AP5Z1: variants seen among roughly 807,000 people sequenced by gnomAD.
AP5Z1 encodes the protein adaptor related protein complex 5 subunit zeta 1.
AP5Z1 carries 106 observed loss-of-function variants against 83.0 expected under a neutral mutation model. The ratio of observed to expected loss-of-function variants is 1.28; its 90% CI spans 1.09 to 1.50. The LOEUF (loss-of-function observed/expected upper bound fraction) is 1.50. Among genes scored for constraint, AP5Z1 ranks in the 40% most tolerant of loss-of-function variants. The pLI is 0.00. For synonymous variants in AP5Z1, 751 were observed against 514.1 expected, an observed-to-expected ratio of 1.46 and a Z score of -6.23; for missense variants, 1,565 against 1,094.2, an observed-to-expected ratio of 1.43 and a Z score of -6.07.
Position 4,792,241 on chromosome 7 carries a change from G to A in AP5Z1, c.*856G>A, listed in dbSNP as rs148032002. ...CACGTTCCGCCCGGTGCCTGGGACG[G>A]GCTCAGCCGCCAGGGGGCGCCGCCG... On this transcript the variant is annotated 3_prime_UTR_variant, in exon 17 of 17. Coordinates refer to ENST00000649063, the MANE Select transcript of AP5Z1 (RefSeq NM_014855.3). The A allele has an allele frequency of 0.016, 2,424 of 152,310 alleles. 33 individuals are homozygous for A. Among genetic ancestry groups the A allele is most frequent in the Middle Eastern group, 0.055 (16 of 292 alleles). 9.4% of individuals were successfully genotyped at this position (152,310 alleles called of 1,614,324 possible).
chr7:4,792,372 C>A lies in AP5Z1; in HGVS notation c.*987C>A, dbSNP rs1464009041. The A allele has an allele frequency of 6.7e-6, 1 of 149,048 alleles. No individual in the cohort carries two copies. The highest frequency in any genetic ancestry group is 1.5e-5 in the Non-Finnish European group (1 of 66,234). The allele number at this position is 149,048 out of a possible 1,614,324, so 9.2% of individuals were successfully genotyped here. The stretch of plus-strand genomic sequence containing the variant: ...GCTCTGGCCCCGCCCACCTCCCCTC[C>A]GGCCTCGGCCCCGCCCCCAATCCCC... On this transcript the variant is annotated 3_prime_UTR_variant, in exon 17 of 17. Coordinates refer to ENST00000649063, the MANE Select transcript of AP5Z1 (RefSeq NM_014855.3).
At chr7:4,786,468 G>T (rs573712663) in intron 10 of AP5Z1, 40 bp downstream of exon 10, 23 of 1,601,732 alleles carry the variant, frequency 1.4e-5, no homozygotes, top group East Asian at 2.2e-5. Flanking sequence ...CAGGGGCATG[G>T]TAAGTCCCTG....
intron 1 of AP5Z1, among the ~76,000 whole-genome samples, chr7:4,780,589 C>A (rs1445582384): frequency 2.0e-5 from 3 of 152,044 alleles, no homozygotes; most frequent in African/African-American, 7.2e-5. Flanking sequence ...ATGGTGAAAC[C>A]CTGTCTTTAC....
rs143100910 is a variant in AP5Z1 at position 4,782,352 on chromosome 7, C to G, written c.366+598C>G. Reference sequence around the variant, plus strand: ...GTCCATGTCCTCCCTCCCTCTGTGTCGGGAGCAGGCCTGGGCACTCAGCGT... The same window carrying G: ...GTCCATGTCCTCCCTCCCTCTGTGTGGGGAGCAGGCCTGGGCACTCAGCGT... On this transcript the variant is annotated intron_variant, in intron 3 of 16. Coordinates refer to ENST00000649063, the MANE Select transcript of AP5Z1 (RefSeq NM_014855.3). Among the ~76,000 whole-genome samples the G allele has an allele frequency of 2.6e-5, 4 of 152,162 alleles. No homozygotes were observed. In the East Asian group the frequency reaches 5.8e-4, roughly 22 times the overall value.
In AP5Z1 at chr7:4,781,214, G is replaced by T. The variant is rs1781371748; in HGVS notation, c.81G>T (p.Arg27=). The change falls in exon 2 of 17, where the codon CGG becomes CGT. Residue 27 remains arginine, a synonymous_variant. Transcript: ENST00000649063. ...AGGAGCTGAAGAAGTTCTGTTCCCGGATCTGTAAACTGCTGCAGGCGGAGG... is the reference window on the plus strand; with the variant it reads ...AGGAGCTGAAGAAGTTCTGTTCCCGTATCTGTAAACTGCTGCAGGCGGAGG... The part of the protein sequence containing the change: ...QDEELKKFCS[R]ICKLLQAEDL... 1 of 1,613,996 alleles carries T rather than the reference G, an allele frequency of 6.2e-7. No homozygotes were observed. The highest frequency in any genetic ancestry group is 2.2e-5 in the East Asian group (1 of 44,874).
At chr7:4,776,085 T>G (rs1781217648) in intron 1 of AP5Z1, among the ~76,000 whole-genome samples, 1 of 151,960 alleles carries the variant, frequency 6.6e-6, no homozygotes, top group African/African-American at 2.4e-5. Flanking sequence ...AGCCGGGAGA[T>G]TTCAGTGCCT....
chr7:4,780,429 G>A (rs762749381), intron 1 of AP5Z1, among the ~76,000 whole-genome samples: 11 of 150,584 alleles, frequency 7.3e-5, no homozygotes, highest in Non-Finnish European at 1.5e-4. Flanking sequence ...GACCAGCCTG[G>A]CCAACATGGT....
intron 2 of AP5Z1, 104 bp from the exon 3 acceptor site, chr7:4,781,464 C>G (rs912404376): frequency 2.4e-5 from 37 of 1,533,758 alleles, no homozygotes; most frequent in Admixed American, 1.7e-4. Flanking sequence ...GTAAAATGCT[C>G]TGTCCACTGG....
chr7:4,776,562 C>CAAA (rs55916241), intron 1 of AP5Z1, among the ~76,000 whole-genome samples: 5 of 82,404 alleles, frequency 6.1e-5, no homozygotes, highest in Non-Finnish European at 1.5e-4. Flanking sequence ...ACTGAAAATA[C>CAAA]AAAAAAAAAA....
intron 3 of AP5Z1, among the ~76,000 whole-genome samples, chr7:4,782,869 ACCCAGCCG>A (rs1480140137): frequency 1.3e-5 from 2 of 151,838 alleles, no homozygotes; most frequent in African/African-American, 4.8e-5. Context: ...CCTCCCAGCC[ACCCAGCCG>A]CCCTCCTCCC....
Position 4,791,273 on chromosome 7 carries a change from G to T in AP5Z1, c.2312G>T (p.Ser771Ile). ...GTGGCCCAGTTTGTGCTCACACCCA[G>T]CACGGAGGTGTGCAGCCCCCGCTAT... The part of the protein sequence containing the change: ...PSVAQFVLTP[S>I]TEVCSPRYHR... Residue 771 changes from serine to isoleucine, a missense_variant, in exon 17 of 17, where the codon AGC (serine) becomes ATC (isoleucine). Ser to Ile is a moderately radical substitution (Grantham distance 142). Transcript: ENST00000649063. 1 of 1,612,706 alleles carries T rather than the reference G, an allele frequency of 6.2e-7. No individual in the cohort carries two copies. Among genetic ancestry groups the T allele is most frequent in the Non-Finnish European group, 8.5e-7 (1 of 1,179,870 alleles).
intron 7 of AP5Z1, 57 bp downstream of exon 7, chr7:4,785,105 A>G: frequency 6.5e-7 from 1 of 1,533,800 alleles, no homozygotes; most frequent in Non-Finnish European, 8.8e-7. Context: ...CTGCTCTGCA[A>G]GGCCACCTGA....
rs201478168 is a variant in AP5Z1, at chr7:4,790,794, C to G, written c.2060C>G (p.Ser687Cys). Residue 687 changes from serine to cysteine, a missense_variant, in exon 16 of 17, where the codon TCT (serine) becomes TGT (cysteine). By Grantham distance (112) the Ser-to-Cys change is moderately radical. Transcript: ENST00000649063. Reference sequence around the variant, plus strand: ...TTCGAGGTCACCCAGTGCCGCCCCTCTGCTGCCCTGCCCAGGTGTCCCCCC... The same window carrying G: ...TTCGAGGTCACCCAGTGCCGCCCCTGTGCTGCCCTGCCCAGGTGTCCCCCC... Reference protein sequence around the residue: ...LLFEVTQCRPSAALPRCPPQV... With the variant: ...LLFEVTQCRPCAALPRCPPQV... 145 of 1,609,144 alleles carry G rather than the reference C, an allele frequency of 9.0e-5. 1 individual carries two copies. The highest frequency in any genetic ancestry group is 1.2e-4 in the Non-Finnish European group (140 of 1,178,868).
intron 3 of AP5Z1, among the ~76,000 whole-genome samples, chr7:4,781,976 G>A (rs1011298926): frequency 3.3e-5 from 5 of 152,252 alleles, no homozygotes; most frequent in Non-Finnish European, 1.5e-5. Flanking sequence ...AGGAGAGGTG[G>A]TGGAGTTTGG....
intron 1 of AP5Z1, among the ~76,000 whole-genome samples, chr7:4,776,506 C>T (rs1470583761): frequency 7.0e-6 from 1 of 141,932 alleles, no homozygotes; most frequent in African/African-American, 2.6e-5. Flanking sequence ...CACCTGAGGT[C>T]AGGAGTTCGA....
chr7:4,783,921 T>C, intron 5 of AP5Z1, 123 bp downstream of exon 5: 2 of 1,101,242 alleles, frequency 1.8e-6, no homozygotes, highest in Non-Finnish European at 2.6e-6. Flanking sequence ...CGAGCCTGCC[T>C]CTGCTGCGGG....
At chr7:4,785,325 C>A in intron 7 of AP5Z1, 90 bp from the exon 8 acceptor site, 1 of 1,513,152 alleles carries the variant, frequency 6.6e-7, no homozygotes, top group Non-Finnish European at 8.9e-7. Context: ...GCTCCCGGTC[C>A]TGCCTGGAGC....
intron 1 of AP5Z1, among the ~76,000 whole-genome samples, chr7:4,779,413 G>GATTATTAT (rs1562403001): frequency 7.3e-6 from 1 of 137,332 alleles, no homozygotes; most frequent in African/African-American, 3.1e-5. Context: ...TATATAACAT[G>GATTATTAT]ATAACATATA....
intron 13 of AP5Z1, among the ~76,000 whole-genome samples, chr7:4,789,569 G>A (rs1781680305): frequency 6.6e-6 from 1 of 152,356 alleles, no homozygotes; most frequent in African/African-American, 2.4e-5. Context: ...ACGTGTGCCT[G>A]GCCTTGCAGA....
Sources: allele counts gnomAD v4.1 joint callset (sites outside exome capture counted in the v4.1 genomes callset), GRCh38; gene constraint gnomAD v4.1.1; transcripts MANE v1.5; gene names NCBI Gene and HGNC (gene_info 2026-07-23, HGNC 2026-07-21).